The following RPTOR variants were observed in gnomAD, a reference collection of about 807,000 sequenced individuals.
RPTOR encodes the protein regulatory associated protein of MTOR complex 1, also known as regulatory-associated protein of mTOR.
RPTOR carries 21 observed loss-of-function variants against 169.9 expected under a neutral mutation model. The observed-to-expected ratio is 0.12, with a 90% CI of 0.09 to 0.18. The LOEUF is 0.18. Ranked by LOEUF, RPTOR falls within the 10% of genes least tolerant of loss-of-function variation. RPTOR has a pLI of 1.00. For synonymous variants in RPTOR, 732 were observed against 753.2 expected (o/e 0.97, Z 0.46); for missense variants, 1,133 against 1,855.9 (o/e 0.61, Z 7.16).
chr17:80,690,152 A>G (rs2065978475), intron 3 of RPTOR, among the ~76,000 whole-genome samples: 1 of 151,914 alleles, frequency 6.6e-6, no homozygotes, highest in South Asian at 2.1e-4. Flanking sequence ...CCCATCATCT[A>G]TCTTCAGTCA....
At chr17:80,831,574 T>G (rs1217598598) in intron 9 of RPTOR, among the ~76,000 whole-genome samples, 4 of 152,196 alleles carry the variant, frequency 2.6e-5, no homozygotes, top group African/African-American at 7.2e-5. Flanking sequence ...ATGCATGACT[T>G]TATCACTGTC....
chr17:80,809,023 T>C (rs2067246651), intron 7 of RPTOR, among the ~76,000 whole-genome samples: 1 of 152,230 alleles, frequency 6.6e-6, no homozygotes, highest in Admixed American at 6.5e-5. Flanking sequence ...CCTGGATAAA[T>C]ACCGGAGAGT....
chr17:80,547,306 G>T (rs535926745), intron 1 of RPTOR, among the ~76,000 whole-genome samples: 3 of 152,102 alleles, frequency 2.0e-5, no homozygotes, highest in East Asian at 1.9e-4. Flanking sequence ...TATATGAAAA[G>T]ACTTTTTAAA....
intron 3 of RPTOR, among the ~76,000 whole-genome samples, chr17:80,682,396 C>A (rs2065906094): frequency 1.3e-5 from 2 of 152,164 alleles, no homozygotes; most frequent in South Asian, 2.1e-4. Context: ...AGCCACTGCA[C>A]CCAGCCAGGT....
At chr17:80,662,208 T>G (rs930856550) in intron 3 of RPTOR, among the ~76,000 whole-genome samples, 3 of 152,188 alleles carry the variant, frequency 2.0e-5, no homozygotes, top group African/African-American at 7.2e-5. Flanking sequence ...CAGTTTCTCC[T>G]GGCCGAGGCC....
In RPTOR at chr17:80,659,648, G is replaced by A. The variant is rs991369921; in HGVS notation, c.348+15838G>A. On this transcript the variant is annotated intron_variant, in intron 3 of 33. Transcript: ENST00000306801. The surrounding 1 kb of genome is among the most constrained non-coding windows in gnomAD (Gnocchi z 4.3). ...CAGCCTCCCAAGTAGCTGGGACTAC[G>A]GGCACGCACCAGCACACTCGGCTAA... is the stretch of plus-strand genomic sequence containing the variant. 3.4e-4 allele frequency among the ~76,000 whole-genome samples: 51 copies of A among 151,802 alleles called. No individual in the cohort carries two copies. Among genetic ancestry groups the A allele is most frequent in the African/African-American group, 1.1e-3 (47 of 41,280 alleles).
At chr17:80,789,047 A>G (rs1191454419) in intron 6 of RPTOR, among the ~76,000 whole-genome samples, 1 of 152,270 alleles carries the variant, frequency 6.6e-6, no homozygotes, top group African/African-American at 2.4e-5. Flanking sequence ...ATGCTATAAT[A>G]AAGTTGCATG....
rs1224698873 is a variant in RPTOR at position 80,825,307 on chromosome 17, G to T, written c.1136+2084G>T. On this transcript the variant is annotated intron_variant, in intron 9 of 33. Coordinates refer to ENST00000306801, the MANE Select transcript of RPTOR (RefSeq NM_020761.3). ...CCTCTCCCTCCAGAGGCCGCGTGGC[G>T]AGTTCGGCACAGGGCAGCCACATCC... Among the ~76,000 whole-genome samples, 46 of 151,210 alleles carry T rather than the reference G, an allele frequency of 3.0e-4. 1 individual carries two copies. The highest frequency in any genetic ancestry group is 1.0e-3 in the African/African-American group (43 of 41,060).
At chr17:80,570,741 G>A (rs556843715) in intron 1 of RPTOR, among the ~76,000 whole-genome samples, 51 of 152,278 alleles carry the variant, frequency 3.3e-4, no homozygotes, top group African/African-American at 2.2e-4. Context: ...GATTACAGGC[G>A]TGAGCTACCA....
intron 6 of RPTOR, among the ~76,000 whole-genome samples, chr17:80,779,640 G>C (rs1039984467): frequency 5.9e-5 from 9 of 152,126 alleles, no homozygotes; most frequent in Non-Finnish European, 4.4e-5. Context: ...GGTTGGGAGA[G>C]ACCCTCAGTG....
At chr17:80,837,157 T>C (rs2067573034) in intron 9 of RPTOR, among the ~76,000 whole-genome samples, 1 of 151,748 alleles carries the variant, frequency 6.6e-6, no homozygotes, top group African/African-American at 2.4e-5. Flanking sequence ...AGAGGGACAG[T>C]GTGGTCGGTT....
intron 1 of RPTOR, among the ~76,000 whole-genome samples, chr17:80,594,545 A>G (rs1478272295): frequency 6.6e-6 from 1 of 152,216 alleles, no homozygotes; most frequent in African/African-American, 2.4e-5. Context: ...CCCCTTAGCC[A>G]TGTGAACTGC....
chr17:80,634,876 TGTGCATACTTTGTG>T lies in RPTOR; in HGVS notation c.266-8851_266-8838del, dbSNP rs1599622166. ...GCATACCGTGTGTGTGTGCATACTGTGTGCATACTTTGTGTGTGCATAGTGTGTGCGTGTGCATA... is the reference window on the plus strand; with the variant it reads ...GCATACCGTGTGTGTGTGCATACTGTTGTGCATAGTGTGTGCGTGTGCATA... On this transcript the variant is annotated intron_variant, in intron 2 of 33. Coordinates refer to ENST00000306801, the MANE Select transcript of RPTOR (RefSeq NM_020761.3). Among the ~76,000 whole-genome samples, 5 of 148,198 alleles carry T rather than the reference TGTGCATACTTTGTG, an allele frequency of 3.4e-5. No homozygotes were observed. In the East Asian group the frequency reaches 6.0e-4, roughly 18 times the overall value.
chr17:80,894,511 T>A (rs2068374193), intron 20 of RPTOR, among the ~76,000 whole-genome samples: 2 of 152,212 alleles, frequency 1.3e-5, no homozygotes, highest in African/African-American at 4.8e-5. Flanking sequence ...CTGCCATGAA[T>A]GGTGTGTGCC....
chr17:80,825,930 A>G (rs1400629761), intron 9 of RPTOR, among the ~76,000 whole-genome samples: 3 of 151,998 alleles, frequency 2.0e-5, no homozygotes, highest in Non-Finnish European at 4.4e-5. Flanking sequence ...ACGGAGACGG[A>G]GGCTGGTGTC....
intron 6 of RPTOR, among the ~76,000 whole-genome samples, chr17:80,774,765 G>A (rs1003049867): frequency 6.6e-6 from 1 of 152,246 alleles, no homozygotes; most frequent in Non-Finnish European, 1.5e-5. Context: ...ACATCCCGCA[G>A]TGTTTCCTGA....
intron 3 of RPTOR, among the ~76,000 whole-genome samples, chr17:80,687,669 A>G (rs9909734): frequency 0.09 from 13,738 of 152,118 alleles, 702 homozygotes; most frequent in African/African-American, 0.14. Flanking sequence ...ACAGCCACGG[A>G]ATGGTTGTCA....
chr17:80,707,293 G>A lies in RPTOR; in HGVS notation c.349-548G>A, dbSNP rs1347817684. ...CAGTGGCAGCTGCGTTTGCCTTGGT[G>A]TTGCCATGTGACAGGCATTACTTGT... On this transcript the variant is annotated intron_variant, in intron 3 of 33. Coordinates refer to ENST00000306801, the MANE Select transcript of RPTOR (RefSeq NM_020761.3). The surrounding 1 kb of genome is among the most constrained non-coding windows in gnomAD (Gnocchi z 5.0). 2.0e-5 allele frequency among the ~76,000 whole-genome samples: 3 copies of A among 152,184 alleles called. No homozygotes were observed. Among genetic ancestry groups the A allele is most frequent in the African/African-American group, 7.2e-5 (3 of 41,416 alleles).
intron 13 of RPTOR, among the ~76,000 whole-genome samples, chr17:80,876,708 G>A (rs1278594902): frequency 8.4e-6 from 1 of 118,776 alleles, no homozygotes; most frequent in Non-Finnish European, 1.7e-5. Flanking sequence ...CCTCCACCCA[G>A]GATGTGTGTG....
Sources: allele counts gnomAD v4.1 joint callset (sites outside exome capture counted in the v4.1 genomes callset), GRCh38; gene constraint gnomAD v4.1.1; non-coding constraint Gnocchi (gnomAD v3.1); transcripts MANE v1.5; gene names NCBI Gene and HGNC (gene_info 2026-07-23, HGNC 2026-07-21).